Variants in RAB3IP observed in about 807,000 individuals in gnomAD.
RAB3IP encodes the protein rab-3A-interacting protein.
RAB3IP carries 36 observed loss-of-function variants against 59.1 expected under a neutral mutation model. The observed-to-expected ratio is 0.61, with a 90% CI of 0.47 to 0.80. The LOEUF is 0.80. RAB3IP is among the 30% of genes least tolerant of loss of function. RAB3IP has a pLI of 0.00. For synonymous variants in RAB3IP, 207 were observed against 191.2 expected, an observed-to-expected ratio of 1.08 and a Z score of -0.68; for missense variants, 511 against 536.0, an observed-to-expected ratio of 0.95 and a Z score of 0.46.
intron 3 of RAB3IP, among the ~76,000 whole-genome samples, chr12:69,758,841 G>A (rs1870690953): frequency 7.4e-6 from 1 of 135,024 alleles, no homozygotes; most frequent in South Asian, 2.4e-4. Flanking sequence ...CTAGGTTGAT[G>A]GTTGTTTTTT....
chr12:69,813,151 A>C, intron 10 of RAB3IP, 118 bp downstream of exon 10: 1 of 689,770 alleles, frequency 1.4e-6, no homozygotes, highest in South Asian at 2.2e-5. Context: ...TTGTTGGTAC[A>C]TTTATATTGA....
chr12:69,753,559 G>A (rs946217664), intron 1 of RAB3IP, among the ~76,000 whole-genome samples: 8 of 152,070 alleles, frequency 5.3e-5, no homozygotes, highest in Admixed American at 2.6e-4. Context: ...ATGTTGGCCA[G>A]GCTGGTCTCG....
intron 3 of RAB3IP, among the ~76,000 whole-genome samples, chr12:69,767,156 A>G (rs1872340098): frequency 6.6e-6 from 1 of 151,914 alleles, no homozygotes; most frequent in South Asian, 2.1e-4. Context: ...TTTCTTCCCT[A>G]TAATTGTTTT....
At chr12:69,743,237 T>C (rs1017684400) in intron 1 of RAB3IP, among the ~76,000 whole-genome samples, 2 of 152,258 alleles carry the variant, frequency 1.3e-5, no homozygotes, top group African/African-American at 4.8e-5. Flanking sequence ...TGAATATTTG[T>C]TTGGGAGCAT....
intron 1 of RAB3IP, among the ~76,000 whole-genome samples, chr12:69,749,623 T>C (rs1239755495): frequency 6.6e-6 from 1 of 152,240 alleles, no homozygotes; most frequent in East Asian, 1.9e-4. Context: ...CTGCGTTTTG[T>C]ATAAATGCTT....
intron 1 of RAB3IP, among the ~76,000 whole-genome samples, chr12:69,741,979 C>T (rs2136092159): frequency 6.6e-6 from 1 of 152,282 alleles, no homozygotes; most frequent in East Asian, 1.9e-4. Context: ...TGAGCATCTA[C>T]TCTGCAAGTC....
rs1402864605 is a variant in RAB3IP, at chr12:69,805,007, AAGT to A, written c.1130+3290_1130+3292del. 3.3e-5 allele frequency among the ~76,000 whole-genome samples: 5 copies of A among 152,272 alleles called. No homozygotes were observed. In the East Asian group the frequency reaches 7.7e-4, roughly 23 times the overall value. Reference sequence around the variant, plus strand: ...CTTTTTTGGTTCCATATGAACTTTAAAGTAGTTTTTTCCAATTCTGTGAAGAAA... The same window carrying A: ...CTTTTTTGGTTCCATATGAACTTTAAAGTTTTTTCCAATTCTGTGAAGAAA... On this transcript the variant is annotated intron_variant, in intron 8 of 10. Coordinates refer to ENST00000247833, the MANE Select transcript of RAB3IP (RefSeq NM_022456.5).
At chr12:69,760,382 G>T (rs1398577131) in intron 3 of RAB3IP, among the ~76,000 whole-genome samples, 2 of 151,894 alleles carry the variant, frequency 1.3e-5, no homozygotes, top group Non-Finnish European at 2.9e-5. Flanking sequence ...AAGAGAGGGC[G>T]AGGGAGACCG....
intron 8 of RAB3IP, among the ~76,000 whole-genome samples, chr12:69,803,481 GT>G (rs1045277482): frequency 1.3e-4 from 19 of 148,874 alleles, no homozygotes; most frequent in Non-Finnish European, 1.3e-4. Context: ...TTTGGTTTAA[GT>G]TTTTTTTTTA....
Position 69,795,180 on chromosome 12 carries a change from C to G in RAB3IP, c.724C>G (p.Leu242Val). 1 of 1,614,026 alleles carries G rather than the reference C, an allele frequency of 6.2e-7. No homozygotes were observed. Among genetic ancestry groups the G allele is most frequent in the Non-Finnish European group, 8.5e-7 (1 of 1,179,956 alleles). ...LQAEVAALKT[L>V]VLSSSPTSPT... is the part of the protein sequence containing the mutation. ...AGCTGAAGTAGCTGCATTGAAGACACTTGTATTGTCCAGTTCTCCAACATC... is the reference window on the plus strand; with the variant it reads ...AGCTGAAGTAGCTGCATTGAAGACAGTTGTATTGTCCAGTTCTCCAACATC... Residue 242 changes from leucine to valine, a missense_variant, in exon 6 of 11, where the codon CTT (leucine) becomes GTT (valine). Physicochemically the swap from Leu to Val is conservative, Grantham distance 32. Coordinates refer to ENST00000247833, the MANE Select transcript of RAB3IP (RefSeq NM_022456.5).
At chr12:69,758,605 G>A (rs892197240) in intron 3 of RAB3IP, among the ~76,000 whole-genome samples, 7 of 151,842 alleles carry the variant, frequency 4.6e-5, no homozygotes, top group African/African-American at 1.5e-4. Flanking sequence ...ATTGTTGTAT[G>A]TTTCACTTCT....
At chr12:69,806,638 G>A (rs1879350437) in intron 8 of RAB3IP, among the ~76,000 whole-genome samples, 2 of 143,672 alleles carry the variant, frequency 1.4e-5, no homozygotes, top group Non-Finnish European at 3.0e-5. Context: ...GGGGTATGTG[G>A]CAGTGTCATA....
chr12:69,753,103 T>C (rs1869597183), intron 1 of RAB3IP, among the ~76,000 whole-genome samples: 1 of 152,242 alleles, frequency 6.6e-6, no homozygotes, highest in Admixed American at 6.5e-5. Flanking sequence ...ATTTGAAATT[T>C]GTCATTTGTA....
chr12:69,821,875 C>G lies in RAB3IP; in HGVS notation c.*6429C>G, dbSNP rs1024325771. 5 of 152,208 alleles carry G rather than the reference C, an allele frequency of 3.3e-5. No individual in the cohort carries two copies. Among genetic ancestry groups the G allele is most frequent in the African/African-American group, 1.2e-4 (5 of 41,450 alleles). The allele number at this position is 152,208 out of a possible 1,614,324, so 9.4% of individuals were successfully genotyped here. ...TCCCTGACACCAAGGCTAAGGGACC[C>G]ACTTTACTCACTTATCTGCTGGGCC... On this transcript the variant is annotated 3_prime_UTR_variant, in exon 11 of 11. Transcript: ENST00000247833.
chr12:69,739,955 G>A, intron 1 of RAB3IP: 1 of 1,314,566 alleles, frequency 7.6e-7, no homozygotes, highest in Non-Finnish European at 1.1e-6. Context: ...TTGCCTGTTC[G>A]GAGGCTACCT....
intron 8 of RAB3IP, among the ~76,000 whole-genome samples, chr12:69,810,623 A>G (rs1477600292): frequency 5.3e-5 from 8 of 151,936 alleles, no homozygotes; most frequent in Admixed American, 5.2e-4. Context: ...AGTGCGTTCA[A>G]AGGATGGTCA....
intron 1 of RAB3IP, among the ~76,000 whole-genome samples, chr12:69,744,446 C>T (rs868458655): frequency 3.3e-5 from 5 of 151,856 alleles, no homozygotes; most frequent in African/African-American, 9.7e-5. Flanking sequence ...GGAATTAGGC[C>T]GGGCATGGTG....
At chr12:69,799,786 T>C (rs1210353298) in intron 6 of RAB3IP, among the ~76,000 whole-genome samples, 1 of 152,116 alleles carries the variant, frequency 6.6e-6, no homozygotes, top group East Asian at 1.9e-4. Context: ...CAAATTACCT[T>C]TTTATTGTTT....
intron 4 of RAB3IP, among the ~76,000 whole-genome samples, chr12:69,786,399 A>G (rs925714658): frequency 8.5e-5 from 13 of 152,238 alleles, no homozygotes; most frequent in African/African-American, 2.6e-4. Flanking sequence ...TTTAAAATTA[A>G]TCTGTTTATT....
Sources: gnomAD v4.1 joint callset for allele counts (sites outside exome capture counted in the v4.1 genomes callset) on GRCh38, gnomAD v4.1.1 for gene constraint, MANE v1.5 for transcripts, NCBI Gene and HGNC (gene_info 2026-07-23, HGNC 2026-07-21) for gene names.